The following AFF2 variants were observed in gnomAD, a reference collection of about 807,000 sequenced individuals.
AFF2 encodes the protein ALF transcription elongation factor 2.
In AFF2, 14 loss-of-function variants were observed where a neutral mutation model predicts 76.9. The ratio of observed to expected loss-of-function variants is 0.18; its 90% confidence interval spans 0.12 to 0.28. The LOEUF is 0.28. Ranked by LOEUF, AFF2 falls within the 10% of genes least tolerant of loss-of-function variation. The pLI is 1.00. For synonymous variants in AFF2, 398 were observed against 366.7 expected (o/e 1.09, Z -0.98); for missense variants, 868 against 1,001.1 (o/e 0.87, Z 1.79).
At chrX:148,874,227 A>T (rs1206776561) in intron 7 of AFF2, among the ~76,000 whole-genome samples, 1 of 111,671 alleles carries the variant, frequency 9.0e-6, no homozygotes. Flanking sequence ...TCAACCAGAG[A>T]CCTGGTGATT....
At chrX:148,933,161 G>A (rs1455121756) in intron 9 of AFF2, among the ~76,000 whole-genome samples, 1 of 111,887 alleles carries the variant, frequency 8.9e-6, no homozygotes, top group African/African-American at 3.3e-5. Context: ...TTGCAGGGAA[G>A]AACATTTCAG....
chrX:148,755,501 C>T (rs968935497), intron 3 of AFF2, among the ~76,000 whole-genome samples: 3 of 111,367 alleles, frequency 2.7e-5, no homozygotes, highest in Non-Finnish European at 5.7e-5. Context: ...AGGTTTTTGC[C>T]TGTATGGATC....
chrX:148,551,232 T>C (rs2052986146), intron 1 of AFF2, among the ~76,000 whole-genome samples: 1 of 109,174 alleles, frequency 9.2e-6, no homozygotes, highest in Admixed American at 9.8e-5. Flanking sequence ...AGAATGAAAG[T>C]GTGGGATAAT....
intron 15 of AFF2, among the ~76,000 whole-genome samples, chrX:148,969,357 A>C (rs2072220093): frequency 8.9e-6 from 1 of 112,627 alleles, no homozygotes. Context: ...AGAGAGAATA[A>C]GTATATTTCT....
chrX:148,582,114 A>G (rs1369842845), intron 1 of AFF2, among the ~76,000 whole-genome samples: 1 of 111,472 alleles, frequency 9.0e-6, no homozygotes, highest in African/African-American at 3.3e-5. Context: ...TAGTGATTAG[A>G]GTCGTATTAT....
chrX:148,505,675 G>A (rs782614498), intron 1 of AFF2, among the ~76,000 whole-genome samples: 1 of 111,347 alleles, frequency 9.0e-6, no homozygotes, highest in South Asian at 3.8e-4. Context: ...CAATGAAATG[G>A]CCTTCTCTGG....
intron 3 of AFF2, among the ~76,000 whole-genome samples, chrX:148,727,542 T>C (rs2055173358): frequency 9.0e-6 from 1 of 111,663 alleles, no homozygotes; most frequent in Non-Finnish European, 1.9e-5. Flanking sequence ...GCTTTACACT[T>C]TGCAAAACAC....
chrX:148,863,389 G>C (rs2070871363), intron 7 of AFF2, among the ~76,000 whole-genome samples: 3 of 111,811 alleles, frequency 2.7e-5, no homozygotes, highest in Non-Finnish European at 5.6e-5. Context: ...CTGGAGAAAA[G>C]TGGCTGATGG....
chrX:148,970,980 C>T (rs1243227525), intron 15 of AFF2, among the ~76,000 whole-genome samples: 1 of 111,061 alleles, frequency 9.0e-6, no homozygotes, highest in Non-Finnish European at 1.9e-5. Flanking sequence ...CTAGTTGAGG[C>T]AATGATTTGG....
chrX:148,794,980 C>A (rs994612906), intron 3 of AFF2, among the ~76,000 whole-genome samples: 1 of 111,792 alleles, frequency 8.9e-6, no homozygotes, highest in African/African-American at 3.3e-5. Context: ...TTTGAAGCCT[C>A]GCTTCTTTTT....
chrX:148,675,713 C>G (rs12846976), intron 3 of AFF2, among the ~76,000 whole-genome samples: 1 of 109,766 alleles, frequency 9.1e-6, no homozygotes, highest in Non-Finnish European at 1.9e-5. Context: ...CCAGGATGTT[C>G]ATCCTGAGTG....
chrX:148,697,239 G>A (rs1215045836), intron 3 of AFF2, among the ~76,000 whole-genome samples: 1 of 112,363 alleles, frequency 8.9e-6, no homozygotes, highest in Admixed American at 9.4e-5. Context: ...TTGGCCTTGA[G>A]TTAAAAGATT....
chrX:148,579,381 T>C (rs1386236071), intron 1 of AFF2, among the ~76,000 whole-genome samples: 2 of 111,499 alleles, frequency 1.8e-5, no homozygotes, highest in African/African-American at 6.5e-5. Flanking sequence ...AAGTTTTACC[T>C]GAGATGCGCA....
intron 3 of AFF2, among the ~76,000 whole-genome samples, chrX:148,773,740 AAGAAAG>A (rs1410302367): frequency 6.5e-5 from 7 of 107,657 alleles, no homozygotes; most frequent in Non-Finnish European, 7.7e-5. Flanking sequence ...GAAAGAAAGA[AAGAAAG>A]AGAAAGAAAG....
chrX:148,535,087 T>C (rs7061451), intron 1 of AFF2, among the ~76,000 whole-genome samples: 3,043 of 111,349 alleles, frequency 0.027, 113 homozygotes, highest in African/African-American at 0.092. Context: ...ATTTGGAAAA[T>C]GGAGGAAATC....
At chrX:148,773,225 TTTTAAAATATATTTCCTGAATCATA>T (rs1271013684) in intron 3 of AFF2, among the ~76,000 whole-genome samples, 5 of 111,924 alleles carry the variant, frequency 4.5e-5, no homozygotes, top group Non-Finnish European at 9.4e-5. Context: ...TGGATTCTTC[TTTTAAAATATATTTCCTGAATCATA>T]TTTAGATATC....
At chrX:148,668,470 G>C (rs1357798726) in intron 3 of AFF2, among the ~76,000 whole-genome samples, 2 of 112,528 alleles carry the variant, frequency 1.8e-5, no homozygotes, top group African/African-American at 6.5e-5. Flanking sequence ...TCTCCATGGG[G>C]GCCCCGCCTC....
intron 3 of AFF2, among the ~76,000 whole-genome samples, chrX:148,726,464 A>G (rs369029222): frequency 2.7e-5 from 3 of 111,719 alleles, no homozygotes; most frequent in African/African-American, 9.7e-5. Context: ...CCGAAGACCA[A>G]CCTTATAAAA....
At chrX:148,533,453 C>T (rs1557236151) in intron 1 of AFF2, among the ~76,000 whole-genome samples, 1 of 110,020 alleles carries the variant, frequency 9.1e-6, no homozygotes, top group East Asian at 2.9e-4. Flanking sequence ...CCACCAAGCC[C>T]GGCTAATTTT....
Sources: gnomAD v4.1 joint callset for allele counts (sites outside exome capture counted in the v4.1 genomes callset) on GRCh38, gnomAD v4.1.1 for gene constraint, MANE v1.5 for transcripts, NCBI Gene and HGNC (gene_info 2026-07-23, HGNC 2026-07-21) for gene names.